Variants in ZC3H12C observed in about 807,000 individuals in gnomAD.
ZC3H12C encodes zinc finger CCCH-type containing 12C, also known as probable ribonuclease ZC3H12C.
In ZC3H12C, 20 loss-of-function variants were observed where a neutral mutation model predicts 76.3. The observed-to-expected ratio is 0.26, with a 90% CI of 0.18 to 0.38. ZC3H12C has a LOEUF of 0.38. Among genes scored for constraint, ZC3H12C ranks in the 10% least tolerant of loss-of-function variants. The pLI is 1.00. For missense variants in ZC3H12C, 874 were observed against 1,086.5 expected, an observed-to-expected ratio of 0.80 and a Z score of 2.75; for synonymous variants, 352 against 399.6, an observed-to-expected ratio of 0.88 and a Z score of 1.42.
At chr11:110,116,817 CAG>C (rs1362694652) in intron 1 of ZC3H12C, among the ~76,000 whole-genome samples, 1 of 152,136 alleles carries the variant, frequency 6.6e-6, no homozygotes. Context: ...AAATGAGACA[CAG>C]AGAGGTTAAG....
At chr11:110,127,485 T>C (rs1024224867) in intron 1 of ZC3H12C, among the ~76,000 whole-genome samples, 2 of 152,192 alleles carry the variant, frequency 1.3e-5, no homozygotes, top group Non-Finnish European at 2.9e-5. Context: ...GGTTGCTTCT[T>C]TTTTTAACAC....
chr11:110,161,220 G>A (rs535461701), intron 4 of ZC3H12C, among the ~76,000 whole-genome samples: 2 of 152,268 alleles, frequency 1.3e-5, no homozygotes, highest in South Asian at 4.2e-4. Flanking sequence ...CTGGGGGCAT[G>A]GTAGCTTTGT....
At chr11:110,157,288 C>T (rs571663777) in intron 3 of ZC3H12C, among the ~76,000 whole-genome samples, 2 of 152,172 alleles carry the variant, frequency 1.3e-5, no homozygotes, top group South Asian at 4.2e-4. Context: ...GCTGCTTTGC[C>T]GCAAGATAAC....
At chr11:110,116,869 C>T (rs1399941504) in intron 1 of ZC3H12C, among the ~76,000 whole-genome samples, 1 of 152,152 alleles carries the variant, frequency 6.6e-6, no homozygotes, top group East Asian at 1.9e-4. Context: ...AGGGAGAAGG[C>T]ATGGTATGGA....
At chr11:110,119,330 C>T (rs1016647086) in intron 1 of ZC3H12C, among the ~76,000 whole-genome samples, 17 of 152,206 alleles carry the variant, frequency 1.1e-4, no homozygotes, top group African/African-American at 3.6e-4. Context: ...GGTCCAGGGA[C>T]CAACAGCAAC....
At chr11:110,095,270 A>G (rs1045557467) in intron 1 of ZC3H12C, among the ~76,000 whole-genome samples, 1 of 152,224 alleles carries the variant, frequency 6.6e-6, no homozygotes, top group Non-Finnish European at 1.5e-5. Flanking sequence ...TTGTTAATAG[A>G]AATTTTATGT....
chr11:110,164,277 G>A lies in ZC3H12C; in HGVS notation c.1256-64G>A. 7.1e-7 allele frequency: 1 copy of A among 1,416,158 alleles called. No individual in the cohort carries two copies. The highest frequency in any genetic ancestry group is 9.4e-7 in the Non-Finnish European group (1 of 1,063,940). The allele number at this position is 1,416,158 out of a possible 1,614,324, so 87.7% of individuals were successfully genotyped here. A position where few individuals can be genotyped will look rare whatever the true frequency, so the allele number is the denominator to read the frequency against. On this transcript the variant is annotated intron_variant, in intron 5 of 5. Coordinates refer to ENST00000278590, the MANE Select transcript of ZC3H12C (RefSeq NM_033390.2). This position sits in a 1 kb window ranked among gnomAD's most constrained non-coding sequence, Gnocchi z 5.7. ...CTCTTCTACAAGTTAAAATCATAGGGCCAAACTGAGTTTTCAGGATCTGAT... is the reference window on the plus strand; with the variant it reads ...CTCTTCTACAAGTTAAAATCATAGGACCAAACTGAGTTTTCAGGATCTGAT...
chr11:110,161,196 ACACTTTT>A (rs1290179658), intron 4 of ZC3H12C, among the ~76,000 whole-genome samples: 1 of 152,174 alleles, frequency 6.6e-6, no homozygotes, highest in Non-Finnish European at 1.5e-5. Context: ...AGTATGTGCT[ACACTTTT>A]ATACGACTGG....
intron 5 of ZC3H12C, among the ~76,000 whole-genome samples, 180 bp downstream of exon 5, chr11:110,163,559 C>G (rs1862519931): frequency 6.6e-6 from 1 of 152,198 alleles, no homozygotes; most frequent in African/African-American, 2.4e-5. Flanking sequence ...TGTTTGGATT[C>G]AAGACAAATG....
chr11:110,113,181 A>G (rs1861465822), intron 1 of ZC3H12C, among the ~76,000 whole-genome samples: 1 of 152,164 alleles, frequency 6.6e-6, no homozygotes, highest in South Asian at 2.1e-4. Flanking sequence ...TGCTTCTCCA[A>G]AGAGTCGATA....
chr11:110,121,963 ACT>A (rs1249604252), intron 1 of ZC3H12C, among the ~76,000 whole-genome samples: 6 of 152,046 alleles, frequency 3.9e-5, no homozygotes, highest in Non-Finnish European at 8.8e-5. Flanking sequence ...TAAACACATA[ACT>A]CTGTTTTAAT....
chr11:110,152,810 G>T (rs974842289), intron 2 of ZC3H12C, 109 bp from the exon 3 acceptor site: 1 of 1,235,672 alleles, frequency 8.1e-7, no homozygotes, highest in Non-Finnish European at 1.1e-6. Flanking sequence ...TAACTCTGAC[G>T]TCTCTTATTA....
At chr11:110,163,221 T>TA in intron 4 of ZC3H12C, 52 bp from the exon 5 acceptor site, 1 of 1,464,486 alleles carries the variant, frequency 6.8e-7, no homozygotes. Flanking sequence ...TTTTTAGAAT[T>TA]AAATTATCAG....
chr11:110,158,483 C>T (rs191606781), intron 3 of ZC3H12C, among the ~76,000 whole-genome samples: 15 of 151,968 alleles, frequency 9.9e-5, no homozygotes, highest in African/African-American at 3.1e-4. Context: ...GCACTCCAGC[C>T]TGGGCGATAG....
chr11:110,127,768 G>A (rs376977490), intron 1 of ZC3H12C, among the ~76,000 whole-genome samples: 2 of 151,952 alleles, frequency 1.3e-5, no homozygotes, highest in African/African-American at 4.8e-5. Flanking sequence ...TGGTGGCTGG[G>A]GCTTGTAGTC....
At chr11:110,122,547 T>C (rs528095604) in intron 1 of ZC3H12C, among the ~76,000 whole-genome samples, 8 of 152,278 alleles carry the variant, frequency 5.3e-5, no homozygotes, top group Non-Finnish European at 7.4e-5. Context: ...TGGTCCCCAA[T>C]TGATGGTTGT....
chr11:110,126,917 A>AT (rs1028168997), intron 1 of ZC3H12C, among the ~76,000 whole-genome samples: 3 of 152,150 alleles, frequency 2.0e-5, no homozygotes, highest in Admixed American at 6.5e-5. Context: ...TTGATGATTT[A>AT]TTTTAAACAT....
intron 1 of ZC3H12C, among the ~76,000 whole-genome samples, chr11:110,110,017 T>G (rs1314848996): frequency 6.6e-6 from 1 of 152,172 alleles, no homozygotes; most frequent in African/African-American, 2.4e-5. Context: ...AATGTTTGCC[T>G]GAATCTCAAC....
intron 1 of ZC3H12C, among the ~76,000 whole-genome samples, chr11:110,096,145 A>C (rs2134138961): frequency 6.6e-6 from 1 of 152,342 alleles, no homozygotes; most frequent in African/African-American, 2.4e-5. Context: ...GCTGTTTTGC[A>C]ATTAATAGTT....
Sources: gnomAD v4.1 joint callset for allele counts (sites outside exome capture counted in the v4.1 genomes callset) on GRCh38, gnomAD v4.1.1 for gene constraint, Gnocchi (gnomAD v3.1) non-coding constraint, MANE v1.5 for transcripts, NCBI Gene and HGNC (gene_info 2026-07-23, HGNC 2026-07-21) for gene names.